Variants in ABCA13 observed in about 807,000 individuals in gnomAD.
The protein encoded by ABCA13 is ATP binding cassette subfamily A member 13.
ABCA13 carries 476 observed loss-of-function variants against 478.7 expected under a neutral mutation model. The ratio of observed to expected loss-of-function variants is 0.99; its 90% CI spans 0.92 to 1.07. The LOEUF (loss-of-function observed/expected upper bound fraction) is 1.07, where lower values mean the gene tolerates loss of function less well. Ranked by LOEUF, ABCA13 falls within the 50% of genes least tolerant of loss-of-function variation. The pLI, the probability that ABCA13 is intolerant of heterozygous loss-of-function variation, is 0.00. For missense variants in ABCA13, 6,060 were observed against 5,910.6 expected, an observed-to-expected ratio of 1.03 and a Z score of -0.83; for synonymous variants, 2,252 against 2,158.9, an observed-to-expected ratio of 1.04 and a Z score of -1.20.
At chr7:48,207,520 T>A (rs1365251663) in intron 3 of ABCA13, among the ~76,000 whole-genome samples, 1 of 152,194 alleles carries the variant, frequency 6.6e-6, no homozygotes, top group Non-Finnish European at 1.5e-5. Context: ...TATCTCATTG[T>A]AATTTGGATT....
chr7:48,287,364 A>G (rs748377529), intron 19 of ABCA13, among the ~76,000 whole-genome samples: 7 of 152,112 alleles, frequency 4.6e-5, no homozygotes, highest in Non-Finnish European at 7.4e-5. Context: ...TGGGAGTGGG[A>G]CTGTTAAGAG....
chr7:48,444,836 G>A (rs1563268033), intron 42 of ABCA13, among the ~76,000 whole-genome samples: 1 of 151,936 alleles, frequency 6.6e-6, no homozygotes, highest in East Asian at 1.9e-4. Context: ...CTTTCCTCTG[G>A]CTCATTCTTG....
intron 27 of ABCA13, among the ~76,000 whole-genome samples, chr7:48,325,362 G>A (rs925141115): frequency 3.3e-5 from 5 of 152,120 alleles, no homozygotes; most frequent in African/African-American, 4.8e-5. Context: ...AGGCATCAAA[G>A]CATTGGCATC....
intron 59 of ABCA13, among the ~76,000 whole-genome samples, chr7:48,616,501 A>G (rs1041091726): frequency 6.6e-6 from 1 of 152,238 alleles, no homozygotes; most frequent in Non-Finnish European, 1.5e-5. Flanking sequence ...TTATGTTTAC[A>G]AAAGTTTCCC....
chr7:48,360,899 C>A (rs564044180), intron 31 of ABCA13, among the ~76,000 whole-genome samples: 31 of 151,926 alleles, frequency 2.0e-4, no homozygotes, highest in African/African-American at 7.0e-4. Context: ...ATGAGACAAC[C>A]AGCCTGGACA....
At chr7:48,400,709 T>A (rs985562387) in intron 38 of ABCA13, among the ~76,000 whole-genome samples, 9 of 152,198 alleles carry the variant, frequency 5.9e-5, no homozygotes, top group Non-Finnish European at 1.3e-4. Context: ...GGCTTTGCAA[T>A]GGGGTTCTCT....
intron 58 of ABCA13, chr7:48,611,863 A>G (rs540061897): frequency 2.6e-5 from 4 of 152,374 alleles, no homozygotes; most frequent in African/African-American, 4.8e-5. Context: ...GAGTACCTAC[A>G]GTGCACCCAT....
At chr7:48,640,005 A>G (rs910063021) in intron 59 of ABCA13, among the ~76,000 whole-genome samples, 2 of 152,204 alleles carry the variant, frequency 1.3e-5, no homozygotes, top group Non-Finnish European at 2.9e-5. Flanking sequence ...TTATGCGATT[A>G]TTTCTTGTCC....
intron 27 of ABCA13, among the ~76,000 whole-genome samples, chr7:48,322,765 T>G (rs1200895953): frequency 6.6e-6 from 1 of 152,206 alleles, no homozygotes; most frequent in Non-Finnish European, 1.5e-5. Context: ...AGGCTTTTTT[T>G]CGGTCGACAG....
rs1035593117 is a variant in ABCA13, at chr7:48,451,063, T to C, written c.12566-3974T>C. On this transcript the variant is annotated intron_variant, in intron 42 of 61. Transcript: ENST00000435803. ...CCCAGGCTGGAGTGCAGTGGCGTGA[T>C]CTTGGCTCACTGCAACCTCCGCCTC... is the stretch of plus-strand genomic sequence containing the variant. Among the ~76,000 whole-genome samples the C allele has an allele frequency of 5.7e-4, 86 of 151,092 alleles. 2 individuals are homozygous for C. Among genetic ancestry groups the C allele is most frequent in the Admixed American group, 5.6e-3 (85 of 15,130 alleles).
chr7:48,373,471 A>T (rs1026726118), intron 33 of ABCA13, among the ~76,000 whole-genome samples: 1 of 152,254 alleles, frequency 6.6e-6, no homozygotes, highest in African/African-American at 2.4e-5. Context: ...CCATATGCTC[A>T]CAACAAAGAT....
In ABCA13 at chr7:48,389,681, C is replaced by G. The variant is rs1815751464; in HGVS notation, c.11654+461C>G. ...TCTGGTTTTTGTGTGGTTCTTTTCT[C>G]ATTAAGGGTAGATGTTTGGTTTAGG... On this transcript the variant is annotated intron_variant, in intron 37 of 61. Transcript: ENST00000435803. 2.6e-5 allele frequency among the ~76,000 whole-genome samples: 4 copies of G among 152,086 alleles called. No homozygotes were observed. The South Asian group carries it at 8.3e-4, about 32-fold the overall frequency.
At chr7:48,559,738 G>A (rs56194432) in intron 55 of ABCA13, among the ~76,000 whole-genome samples, 5,260 of 152,142 alleles carry the variant, frequency 0.035, 313 homozygotes, top group African/African-American at 0.12. Flanking sequence ...AAGTTCTTTC[G>A]TCATCGAGTG....
At chr7:48,282,494 G>A (rs112049743) in intron 19 of ABCA13, among the ~76,000 whole-genome samples, 2,185 of 152,184 alleles carry the variant, frequency 0.014, 20 homozygotes, top group Middle Eastern at 0.054. Context: ...GAGGGGAGGC[G>A]AGGAGAAATG....
chr7:48,203,616 T>G (rs1176976283), intron 3 of ABCA13, among the ~76,000 whole-genome samples: 2 of 144,658 alleles, frequency 1.4e-5, no homozygotes, highest in African/African-American at 5.0e-5. Context: ...CCCCTTCATT[T>G]TAACAAGAGG....
At chr7:48,491,932 G>A (rs1829877391) in intron 48 of ABCA13, among the ~76,000 whole-genome samples, 1 of 152,168 alleles carries the variant, frequency 6.6e-6, no homozygotes, top group South Asian at 2.1e-4. Context: ...CAGTCGCACA[G>A]CACCAGGCTC....
intron 41 of ABCA13, among the ~76,000 whole-genome samples, chr7:48,420,800 C>A (rs959438400): frequency 4.0e-5 from 6 of 151,338 alleles, no homozygotes; most frequent in African/African-American, 1.5e-4. Flanking sequence ...AAATCTTTGC[C>A]CATTTAAGTT....
chr7:48,275,565 G>A lies in ABCA13; in HGVS notation c.5899G>A (p.Val1967Ile). 1 of 1,613,596 alleles carries A rather than the reference G, an allele frequency of 6.2e-7. No individual in the cohort carries two copies. The highest frequency in any genetic ancestry group is 8.5e-7 in the Non-Finnish European group (1 of 1,179,762). ...ACTTAAAAATGTCAACTTTACAAAA[G>A]TTACATCAGGTGAAAATATTCTTGA... ...EKLKNVNFTK[V>I]TSGENILDKL... The change falls in exon 17 of 62, where the codon GTT (valine) becomes ATT (isoleucine). Residue 1967 changes from valine to isoleucine, a missense_variant. Transcript: ENST00000435803.
In ABCA13 at chr7:48,491,262, A is replaced by G. The variant is rs572454769; in HGVS notation, c.13291+1918A>G. On this transcript the variant is annotated intron_variant, in intron 48 of 61. Coordinates refer to ENST00000435803, the MANE Select transcript of ABCA13 (RefSeq NM_152701.5). ...AGTCATAGGTAACCTAAGTTCTAAC[A>G]TTAATAACAAATGATAGATAAAGGT... Among the ~76,000 whole-genome samples the G allele has an allele frequency of 1.1e-3, 174 of 152,340 alleles. 2 individuals carry two copies. Among genetic ancestry groups the G allele is most frequent in the Admixed American group, 0.01 (156 of 15,302 alleles).
Sources: allele counts gnomAD v4.1 joint callset (sites outside exome capture counted in the v4.1 genomes callset), GRCh38; gene constraint gnomAD v4.1.1; transcripts MANE v1.5; gene names NCBI Gene and HGNC (gene_info 2026-07-23, HGNC 2026-07-21).